The following OTUD7A variants were observed in gnomAD, a reference collection of about 807,000 sequenced individuals.
OTUD7A encodes OTU domain-containing protein 7A.
Under a neutral mutation model 65.7 loss-of-function variants are expected in OTUD7A, and 12 were observed. That is an observed-to-expected ratio of 0.18 (90% CI 0.12 to 0.30). OTUD7A has a LOEUF of 0.30. Ranked by LOEUF, OTUD7A falls within the 10% of genes least tolerant of loss-of-function variation. OTUD7A has a pLI of 1.00. For missense variants in OTUD7A, 1,148 were observed against 1,304.8 expected (o/e 0.88, Z 1.85); for synonymous variants, 641 against 586.3 (o/e 1.09, Z -1.35).
intron 10 of OTUD7A, among the ~76,000 whole-genome samples, chr15:31,501,305 A>G (rs1208880551): frequency 6.6e-6 from 1 of 152,102 alleles, no homozygotes; most frequent in Non-Finnish European, 1.5e-5. Flanking sequence ...TTCCAATAAA[A>G]CTTTATTTAT....
chr15:31,763,210 G>A (rs1228608431), intron 1 of OTUD7A, among the ~76,000 whole-genome samples: 2 of 152,120 alleles, frequency 1.3e-5, no homozygotes, highest in African/African-American at 2.4e-5. Context: ...TTGAACCCAG[G>A]AGATGGAGGT....
intron 1 of OTUD7A, among the ~76,000 whole-genome samples, chr15:31,770,956 C>T (rs926830929): frequency 3.3e-5 from 5 of 152,300 alleles, no homozygotes; most frequent in South Asian, 2.1e-4. Context: ...TCAGACTTGA[C>T]GGTGCAAGTG....
chr15:31,499,379 GA>G (rs2141078583), intron 10 of OTUD7A, among the ~76,000 whole-genome samples: 1 of 152,242 alleles, frequency 6.6e-6, no homozygotes, highest in African/African-American at 2.4e-5. Context: ...CCTGGGGCTC[GA>G]TATTCTGGAG....
chr15:31,544,819 G>A (rs1888083265), intron 5 of OTUD7A, among the ~76,000 whole-genome samples: 1 of 151,750 alleles, frequency 6.6e-6, no homozygotes, highest in Admixed American at 6.6e-5. Flanking sequence ...TATATAAAAA[G>A]TACTATACCT....
chr15:31,576,128 A>G (rs934248182), intron 3 of OTUD7A, among the ~76,000 whole-genome samples: 1 of 152,150 alleles, frequency 6.6e-6, no homozygotes, highest in Admixed American at 6.5e-5. Context: ...AAAAAACACT[A>G]CATACCTCCC....
At chr15:31,750,478 T>C (rs914489336) in intron 1 of OTUD7A, among the ~76,000 whole-genome samples, 2 of 149,200 alleles carry the variant, frequency 1.3e-5, no homozygotes. Flanking sequence ...AAATCACTAA[T>C]GTCATTTTTT....
chr15:31,776,264 A>G (rs959027363), intron 1 of OTUD7A, among the ~76,000 whole-genome samples: 4 of 152,200 alleles, frequency 2.6e-5, no homozygotes, highest in Non-Finnish European at 5.9e-5. Flanking sequence ...CCAGTGTGGG[A>G]CTTCCAGATA....
At chr15:31,795,825 GA>G (rs1895936896) in intron 1 of OTUD7A, among the ~76,000 whole-genome samples, 1 of 152,202 alleles carries the variant, frequency 6.6e-6, no homozygotes, top group South Asian at 2.1e-4. Flanking sequence ...TTTGTAAAGT[GA>G]GGAACAGGCC....
intron 1 of OTUD7A, among the ~76,000 whole-genome samples, chr15:31,842,161 C>A (rs1021616944): frequency 6.6e-6 from 1 of 152,214 alleles, no homozygotes; most frequent in African/African-American, 2.4e-5. Flanking sequence ...TGCATGGTCC[C>A]ACATACATAA....
intron 1 of OTUD7A, among the ~76,000 whole-genome samples, chr15:31,798,005 C>A (rs1896017038): frequency 6.6e-6 from 1 of 152,194 alleles, no homozygotes; most frequent in Non-Finnish European, 1.5e-5. Context: ...CGCCTTTTCA[C>A]TGCGTCTTCA....
At chr15:31,723,996 G>T (rs1893817304) in intron 1 of OTUD7A, among the ~76,000 whole-genome samples, 1 of 134,278 alleles carries the variant, frequency 7.4e-6, no homozygotes, top group Admixed American at 8.0e-5. Flanking sequence ...TCAGAGTTTT[G>T]TTGTTGTTGT....
At position 31,484,348 on chromosome 15, in the gene OTUD7A, C is replaced by G. The variant is rs141917827; in HGVS notation, c.1748G>C (p.Gly583Ala). 5.6e-5 allele frequency: 90 copies of G among 1,601,104 alleles called. No homozygotes were observed. In the African/African-American group the frequency reaches 1.1e-3, roughly 20 times the overall value. The change falls in exon 13 of 13, where the codon GGT (glycine) becomes GCT (alanine). Residue 583 changes from glycine (G) to alanine (A), a missense_variant. Physicochemically the swap from Gly to Ala is moderately conservative, Grantham distance 60. Around this residue, in one of 6 missense-constraint regions of OTUD7A, gnomAD observed 842 missense variants for 769.5 expected, o/e 1.09. Transcript: ENST00000307050. This position sits in a 1 kb window ranked among gnomAD's most constrained non-coding sequence, Gnocchi z 4.5. ...KSRKGSKEESGASASTSPSEK... is the reference protein window; with the variant it reads ...KSRKGSKEESAASASTSPSEK... ...CGACGGCGACGTGCTGGCCGACGCA[C>G]CAGACTCCTCCTTGCTGCCCTTGCG...
intron 5 of OTUD7A, among the ~76,000 whole-genome samples, chr15:31,548,123 G>C (rs1014697455): frequency 6.7e-6 from 1 of 148,904 alleles, no homozygotes; most frequent in African/African-American, 2.4e-5. Context: ...ACAGGACTTG[G>C]GGATCAGTCA....
chr15:31,768,884 A>T (rs1333391151), intron 1 of OTUD7A, among the ~76,000 whole-genome samples: 1 of 152,228 alleles, frequency 6.6e-6, no homozygotes, highest in Non-Finnish European at 1.5e-5. Context: ...AGAGAATATA[A>T]AAACAGAAAA....
chr15:31,802,131 G>A (rs1450493889), intron 1 of OTUD7A, among the ~76,000 whole-genome samples: 17 of 131,286 alleles, frequency 1.3e-4, no homozygotes, highest in African/African-American at 4.8e-4. Context: ...GTGTGTGTGT[G>A]TGTGTGTGTG....
At chr15:31,808,133 AC>A (rs1298909778) in intron 1 of OTUD7A, among the ~76,000 whole-genome samples, 37 of 114,996 alleles carry the variant, frequency 3.2e-4, no homozygotes, top group African/African-American at 3.8e-4. Flanking sequence ...ACACACACAC[AC>A]ACAAACAAAT....
chr15:31,530,593 G>A, intron 6 of OTUD7A, 114 bp downstream of exon 6: 5 of 931,472 alleles, frequency 5.4e-6, no homozygotes, highest in Non-Finnish European at 7.9e-6. Flanking sequence ...CAGTGACATG[G>A]GTGACTCTAT....
In OTUD7A at chr15:31,739,284, G is replaced by A. The variant is rs111497596; in HGVS notation, c.-99-82207C>T. Among the ~76,000 whole-genome samples the A allele has an allele frequency of 5.7e-3, 860 of 152,192 alleles. 5 individuals are homozygous for A. The highest frequency in any genetic ancestry group is 0.02 in the African/African-American group (826 of 41,522). On this transcript the variant is annotated intron_variant, in intron 1 of 12. Transcript: ENST00000307050. ...ATTTGAGGTTCCATGTCTACTAGTC[G>A]CCTGATGTCATCCAGTCCAATGCTA...
chr15:31,757,461 C>T (rs1894847711), intron 1 of OTUD7A, among the ~76,000 whole-genome samples: 1 of 151,820 alleles, frequency 6.6e-6, no homozygotes, highest in Non-Finnish European at 1.5e-5. Flanking sequence ...CTACTGCTAC[C>T]ACTTAAACAC....
Sources: allele counts gnomAD v4.1 joint callset (sites outside exome capture counted in the v4.1 genomes callset), GRCh38; gene constraint gnomAD v4.1.1; regional missense constraint gnomAD v4.1.1; non-coding constraint Gnocchi (gnomAD v3.1); transcripts MANE v1.5; gene names NCBI Gene and HGNC (gene_info 2026-07-23, HGNC 2026-07-21).